Variants in SSH2 observed in about 807,000 individuals in gnomAD.
The protein encoded by SSH2 is slingshot protein phosphatase 2.
In SSH2, 37 loss-of-function variants were observed where a neutral mutation model predicts 135.2. That is an observed-to-expected ratio of 0.27 (90% CI 0.21 to 0.36). The LOEUF (loss-of-function observed/expected upper bound fraction) is 0.36. SSH2 is among the 10% of genes least tolerant of loss of function. The pLI, the probability that SSH2 is intolerant of heterozygous loss-of-function variation, is 1.00. For synonymous variants in SSH2, 628 were observed against 646.2 expected, an observed-to-expected ratio of 0.97 and a Z score of 0.43; for missense variants, 1,408 against 1,765.3, an observed-to-expected ratio of 0.80 and a Z score of 3.63.
intron 1 of SSH2, among the ~76,000 whole-genome samples, chr17:29,924,591 T>C (rs577455411): frequency 3.9e-5 from 6 of 152,216 alleles, no homozygotes; most frequent in African/African-American, 1.2e-4. Flanking sequence ...CCTATATTAA[T>C]TAGGCAAGAA....
intron 3 of SSH2, among the ~76,000 whole-genome samples, chr17:29,740,682 G>A (rs2040526315): frequency 6.6e-6 from 1 of 151,970 alleles, no homozygotes; most frequent in Non-Finnish European, 1.5e-5. Context: ...TATAAATAAG[G>A]GCAGGAAATG....
At chr17:29,714,889 CAG>C (rs1227300561) in intron 3 of SSH2, among the ~76,000 whole-genome samples, 1 of 151,920 alleles carries the variant, frequency 6.6e-6, no homozygotes, top group Admixed American at 6.6e-5. Context: ...TTTTTTGGGA[CAG>C]AGTCTTGCCC....
At chr17:29,808,485 G>A (rs2042386620) in intron 2 of SSH2, among the ~76,000 whole-genome samples, 1 of 152,202 alleles carries the variant, frequency 6.6e-6, no homozygotes, top group Non-Finnish European at 1.5e-5. Flanking sequence ...TTGGGAGTCT[G>A]GCTCAGCTGA....
chr17:29,766,432 G>A (rs1444498225), intron 3 of SSH2, among the ~76,000 whole-genome samples: 2 of 151,444 alleles, frequency 1.3e-5, no homozygotes, highest in Non-Finnish European at 2.9e-5. Context: ...CACTCTAGTC[G>A]GGGCAACAGA....
intron 1 of SSH2, among the ~76,000 whole-genome samples, chr17:29,898,512 A>G (rs2066486630): frequency 6.6e-6 from 1 of 152,222 alleles, no homozygotes; most frequent in African/African-American, 2.4e-5. Context: ...CTCTACGCAA[A>G]TAAACTTGAA....
chr17:29,874,802 T>C (rs369265535), intron 1 of SSH2, among the ~76,000 whole-genome samples: 1 of 152,160 alleles, frequency 6.6e-6, no homozygotes, highest in Non-Finnish European at 1.5e-5. Flanking sequence ...GAAAAGAACA[T>C]GGAGATGCAG....
intron 11 of SSH2, among the ~76,000 whole-genome samples, chr17:29,661,320 A>G (rs73987118): frequency 0.061 from 9,231 of 152,158 alleles, 864 homozygotes; most frequent in African/African-American, 0.21. Context: ...ACCTCACACA[A>G]TAAAGAGGAT....
intron 1 of SSH2, among the ~76,000 whole-genome samples, chr17:29,876,046 A>C (rs1193399312): frequency 6.6e-6 from 1 of 151,798 alleles, no homozygotes; most frequent in Admixed American, 6.6e-5. Flanking sequence ...CAATACTGTG[A>C]AAATGTTCAC....
chr17:29,740,786 A>G (rs942834816), intron 3 of SSH2, among the ~76,000 whole-genome samples: 4 of 152,236 alleles, frequency 2.6e-5, no homozygotes, highest in East Asian at 3.8e-4. Flanking sequence ...GAAAATCTCA[A>G]TATACTTAAC....
intron 3 of SSH2, among the ~76,000 whole-genome samples, chr17:29,792,483 A>C (rs2042086736): frequency 6.6e-6 from 1 of 152,140 alleles, no homozygotes; most frequent in African/African-American, 2.4e-5. Context: ...AAAGAAGGAC[A>C]CTTCTCTTTG....
intron 2 of SSH2, among the ~76,000 whole-genome samples, chr17:29,828,750 T>C (rs1278126589): frequency 6.6e-6 from 1 of 152,218 alleles, no homozygotes; most frequent in African/African-American, 2.4e-5. Flanking sequence ...CAATTAACCT[T>C]GATCAACCTG....
At chr17:29,767,388 T>A (rs888817703) in intron 3 of SSH2, among the ~76,000 whole-genome samples, 5 of 151,720 alleles carry the variant, frequency 3.3e-5, no homozygotes, top group East Asian at 3.9e-4. Flanking sequence ...TTTTTTTTTT[T>A]AGACCTCTCA....
intron 5 of SSH2, among the ~76,000 whole-genome samples, chr17:29,690,927 C>A (rs2038443328): frequency 6.6e-6 from 1 of 151,546 alleles, no homozygotes; most frequent in Non-Finnish European, 1.5e-5. Context: ...TACACACACA[C>A]ACACACAGAC....
intron 5 of SSH2, among the ~76,000 whole-genome samples, chr17:29,693,959 AAGGGAGAGGT>A (rs1276498611): frequency 6.6e-6 from 1 of 152,218 alleles, no homozygotes; most frequent in Non-Finnish European, 1.5e-5. Flanking sequence ...GCTTATTGAA[AAGGGAGAGGT>A]ACTACCTTTA....
intron 3 of SSH2, among the ~76,000 whole-genome samples, chr17:29,737,416 G>A (rs2151198993): frequency 6.6e-6 from 1 of 152,234 alleles, no homozygotes; most frequent in East Asian, 1.9e-4. Flanking sequence ...AGTCTGGAAT[G>A]TAAGATCTAG....
intron 2 of SSH2, among the ~76,000 whole-genome samples, chr17:29,825,983 T>C (rs2042735456): frequency 6.6e-6 from 1 of 152,242 alleles, no homozygotes; most frequent in Non-Finnish European, 1.5e-5. Context: ...ATATTAAATA[T>C]TTTAATAACC....
intron 12 of SSH2, among the ~76,000 whole-genome samples, chr17:29,651,652 C>T (rs187360543): frequency 5.9e-4 from 90 of 152,308 alleles, no homozygotes; most frequent in Non-Finnish European, 1.1e-3. Context: ...ACATTGCTTC[C>T]TTCTCAGCAC....
intron 11 of SSH2, among the ~76,000 whole-genome samples, chr17:29,661,796 C>T (rs1232735936): frequency 6.6e-6 from 1 of 152,086 alleles, no homozygotes; most frequent in Non-Finnish European, 1.5e-5. Context: ...TCTACCTGTC[C>T]AGAGAGAGTT....
chr17:29,791,049 T>C (rs2042056790), intron 3 of SSH2, among the ~76,000 whole-genome samples: 1 of 151,432 alleles, frequency 6.6e-6, no homozygotes, highest in African/African-American at 2.4e-5. Context: ...TTTTATGACT[T>C]TGTCAATAAA....
Sources: gnomAD v4.1 joint callset for allele counts (sites outside exome capture counted in the v4.1 genomes callset) on GRCh38, gnomAD v4.1.1 for gene constraint, MANE v1.5 for transcripts, NCBI Gene and HGNC (gene_info 2026-07-23, HGNC 2026-07-21) for gene names.